PCM1: variants seen among roughly 807,000 people sequenced by gnomAD.
PCM1 encodes pericentriolar material 1, also known as pericentriolar material 1 protein.
PCM1 carries 157 observed loss-of-function variants against 241.9 expected under a neutral mutation model. The ratio of observed to expected loss-of-function variants is 0.65; its 90% CI spans 0.57 to 0.74. PCM1 has a LOEUF of 0.74. PCM1 is among the 30% of genes least tolerant of loss of function. The probability of loss-of-function intolerance (pLI) is 0.00; values close to 1 mark genes in which losing one functional copy is unlikely to be tolerated. For missense variants in PCM1, 3,478 were observed against 2,360.1 expected, an observed-to-expected ratio of 1.47 and a Z score of -9.81; for synonymous variants, 1,085 against 784.9, an observed-to-expected ratio of 1.38 and a Z score of -6.39.
At chr8:17,986,205 T>A (rs949060198) in intron 26 of PCM1, 118 bp downstream of exon 26, 2 of 720,410 alleles carry the variant, frequency 2.8e-6, no homozygotes, top group African/African-American at 3.7e-5. Context: ...CAGCTTTTTT[T>A]AAAACTTGGG....
intron 5 of PCM1, 70 bp downstream of exon 5, chr8:17,939,079 A>G: frequency 2.0e-6 from 3 of 1,515,316 alleles, no homozygotes; most frequent in Non-Finnish European, 2.7e-6. Flanking sequence ...GGTTTAGAAA[A>G]TTAGGTTACG....
intron 30 of PCM1, among the ~76,000 whole-genome samples, chr8:18,007,614 T>G (rs1353005910): frequency 6.6e-6 from 1 of 152,224 alleles, no homozygotes; most frequent in Non-Finnish European, 1.5e-5. Flanking sequence ...GTTTGACTGC[T>G]TTTCTTTCAT....
chr8:17,956,186 T>G (rs2068366591), intron 10 of PCM1, among the ~76,000 whole-genome samples: 1 of 152,216 alleles, frequency 6.6e-6, no homozygotes, highest in Admixed American at 6.5e-5. Context: ...ATCTCATATG[T>G]GCAGACAAAT....
rs71215288 is a variant in PCM1 at position 17,939,375 on chromosome 8, A to ATAACAATATTAGG, written c.613-313_613-312insCAATATTAGGTAA. Among the ~76,000 whole-genome samples, 6 of 151,820 alleles carry ATAACAATATTAGG rather than the reference A, an allele frequency of 4.0e-5. No individual in the cohort carries two copies. The East Asian group carries it at 1.2e-3, about 29-fold the overall frequency. ...AAACTATAATACATTTAATTAATTT[A>ATAACAATATTAGG]TAAACATTAGGAAAATTTATATAAA... is the stretch of plus-strand genomic sequence containing the variant. On this transcript the variant is annotated intron_variant, in intron 5 of 38. Coordinates refer to ENST00000325083, the MANE Select transcript of PCM1 (RefSeq NM_006197.4).
intron 29 of PCM1, among the ~76,000 whole-genome samples, chr8:18,001,723 G>C (rs769027983): frequency 5.9e-5 from 9 of 152,240 alleles, no homozygotes; most frequent in African/African-American, 2.2e-4. Flanking sequence ...TGTAAGACAT[G>C]TACCACAGAG....
chr8:17,950,537 A>T (rs2065644501), intron 7 of PCM1, 78 bp from the exon 8 acceptor site: 1 of 747,892 alleles, frequency 1.3e-6, no homozygotes, highest in Non-Finnish European at 2.2e-6. Flanking sequence ...CTTTTTTTAA[A>T]TTTATTTTTA....
intron 25 of PCM1, 111 bp downstream of exon 25, chr8:17,985,730 C>G (rs1460309812): frequency 3.4e-6 from 3 of 875,666 alleles, no homozygotes; most frequent in Non-Finnish European, 5.2e-6. Context: ...CATCTGTTCT[C>G]TATGTGCTTT....
chr8:17,949,909 A>G (rs2065353297), intron 7 of PCM1, among the ~76,000 whole-genome samples: 1 of 152,190 alleles, frequency 6.6e-6, no homozygotes, highest in Admixed American at 6.5e-5. Context: ...CTTTATGAAT[A>G]TGGGGGCATT....
At chr8:18,018,307 C>A (rs1048430954) in intron 36 of PCM1, among the ~76,000 whole-genome samples, 6 of 152,210 alleles carry the variant, frequency 3.9e-5, no homozygotes, top group African/African-American at 1.4e-4. Flanking sequence ...CTTATACCAA[C>A]CTAGACCTTT....
Position 17,985,431 on chromosome 8 carries a change from C to G in PCM1, c.4109-16C>G, listed in dbSNP as rs1365999053. The G allele has an allele frequency of 3.3e-6, 5 of 1,533,578 alleles. 1 individual carries two copies. The highest frequency in any genetic ancestry group is 4.4e-6 in the Non-Finnish European group (5 of 1,136,470). 95.0% of individuals were successfully genotyped at this position (1,533,578 alleles called of 1,614,324 possible). A position where few individuals can be genotyped will look rare whatever the true frequency, so the allele number is the denominator to read the frequency against. On this transcript the variant is annotated splice_polypyrimidine_tract_variant and intron_variant, in intron 24 of 38. Coordinates refer to ENST00000325083, the MANE Select transcript of PCM1 (RefSeq NM_006197.4). ...ACTTCATCAATATTAACTTTCTGGT[C>G]TTTTATGTATTCCAGAAACTGGGAG...
intron 36 of PCM1, 33 bp downstream of exon 36, chr8:18,014,873 CTTTTCATTTCTGTGCAT>C (rs935596988): frequency 1.3e-6 from 2 of 1,513,868 alleles, no homozygotes; most frequent in African/African-American, 2.7e-5. Context: ...AATATTTTTA[CTTTTCATTTCTGTGCAT>C]ATTTCTTCAT....
chr8:17,931,692 C>CA (rs1286472942), intron 2 of PCM1, among the ~76,000 whole-genome samples: 2 of 152,180 alleles, frequency 1.3e-5, no homozygotes, highest in African/African-American at 4.8e-5. Context: ...ATTTACGTTT[C>CA]AAAACAATTG....
chr8:18,011,576 G>T, intron 33 of PCM1, 91 bp from the exon 34 acceptor site: 1 of 1,221,262 alleles, frequency 8.2e-7, no homozygotes, highest in South Asian at 1.6e-5. Flanking sequence ...TGTATATAAA[G>T]CATCTGTGCC....
intron 7 of PCM1, among the ~76,000 whole-genome samples, chr8:17,949,883 T>C (rs1205108477): frequency 6.6e-6 from 1 of 152,198 alleles, no homozygotes; most frequent in Admixed American, 6.5e-5. Flanking sequence ...TCATGAAAAT[T>C]GTTGTCACAA....
At chr8:17,937,668 G>C (rs2060802802) in intron 4 of PCM1, among the ~76,000 whole-genome samples, 1 of 152,036 alleles carries the variant, frequency 6.6e-6, no homozygotes, top group African/African-American at 2.4e-5. Flanking sequence ...TTTGGTAACT[G>C]AATAAAATGG....
Position 17,980,898 on chromosome 8 carries a change from C to T in PCM1, c.4108+143C>T, listed in dbSNP as rs190734106. ...TATAGTGGAAATTATAGTACACATT[C>T]CTTGATACTGAAAAATAAAAACTGA... On this transcript the variant is annotated intron_variant, in intron 24 of 38. Coordinates refer to ENST00000325083, the MANE Select transcript of PCM1 (RefSeq NM_006197.4). 710 of 533,650 alleles carry T rather than the reference C, an allele frequency of 1.3e-3. 3 individuals are homozygous for T. Among genetic ancestry groups the T allele is most frequent in the Middle Eastern group, 6.4e-3 (13 of 2,022 alleles). The allele number at this position is 533,650 out of a possible 1,614,324, so 33.1% of individuals were successfully genotyped here.
At chr8:18,011,874 A>C (rs774681909) in intron 34 of PCM1, 47 bp downstream of exon 34, 4 of 1,490,806 alleles carry the variant, frequency 2.7e-6, no homozygotes, top group Non-Finnish European at 3.6e-6. Flanking sequence ...TATTTTAACT[A>C]ATCAAACTTC....
intron 13 of PCM1, among the ~76,000 whole-genome samples, chr8:17,958,841 C>A (rs566536859): frequency 1.3e-5 from 2 of 152,108 alleles, no homozygotes; most frequent in African/African-American, 4.8e-5. Flanking sequence ...TCTGCCTCAG[C>A]CTCCCGAGTA....
chr8:17,959,898 C>G, intron 13 of PCM1, 116 bp from the exon 14 acceptor site: 2 of 973,916 alleles, frequency 2.1e-6, no homozygotes, highest in East Asian at 5.3e-5. Flanking sequence ...AACGTGCTTT[C>G]TTTACTGCTT....
Sources: gnomAD v4.1 joint callset for allele counts (sites outside exome capture counted in the v4.1 genomes callset) on GRCh38, gnomAD v4.1.1 for gene constraint, MANE v1.5 for transcripts, NCBI Gene and HGNC (gene_info 2026-07-23, HGNC 2026-07-21) for gene names.